CDC20B: variants seen among roughly 807,000 people sequenced by gnomAD.
CDC20B encodes the protein cell division cycle protein 20 homolog B.
In CDC20B, 58 loss-of-function variants were observed where a neutral mutation model predicts 64.1. The ratio of observed to expected loss-of-function variants is 0.90; its 90% CI spans 0.73 to 1.13. CDC20B has a LOEUF of 1.13. Among genes scored for constraint, CDC20B ranks in the 50% most tolerant of loss-of-function variants. The pLI, the probability that CDC20B is intolerant of heterozygous loss-of-function variation, is 0.00. For synonymous variants in CDC20B, 243 were observed against 230.6 expected, an observed-to-expected ratio of 1.05 and a Z score of -0.49; for missense variants, 597 against 633.0, an observed-to-expected ratio of 0.94 and a Z score of 0.61.
chr5:55,117,988 T>C (rs1742664548), intron 11 of CDC20B, among the ~76,000 whole-genome samples: 1 of 151,844 alleles, frequency 6.6e-6, no homozygotes, highest in Non-Finnish European at 1.5e-5. Flanking sequence ...GCGTGGTAGT[T>C]GGCGCCTGTA....
At chr5:55,137,967 G>A (rs544898033) in intron 5 of CDC20B, among the ~76,000 whole-genome samples, 32 of 152,140 alleles carry the variant, frequency 2.1e-4, no homozygotes, top group Non-Finnish European at 3.1e-4. Flanking sequence ...AAGACTGAGA[G>A]GTGGGTTAGT....
At chr5:55,160,219 A>G (rs751541942) in intron 2 of CDC20B, 3 of 1,613,994 alleles carry the variant, frequency 1.9e-6, no homozygotes, top group Admixed American at 1.7e-5. Flanking sequence ...CTTACCCGCT[A>G]AAATGTTCCG....
intron 2 of CDC20B, chr5:55,170,595 C>A: frequency 1.9e-6 from 1 of 534,808 alleles, no homozygotes; most frequent in Non-Finnish European, 3.8e-6. Flanking sequence ...AACCAGCTAA[C>A]AATACACTGC....
chr5:55,158,881 G>A (rs1039725046), intron 2 of CDC20B, among the ~76,000 whole-genome samples: 3 of 152,172 alleles, frequency 2.0e-5, no homozygotes, highest in Admixed American at 1.3e-4. Flanking sequence ...GAGAAAAAAC[G>A]AAGCAATTAG....
At chr5:55,157,321 G>A (rs1298919093) in intron 2 of CDC20B, among the ~76,000 whole-genome samples, 1 of 152,212 alleles carries the variant, frequency 6.6e-6, no homozygotes, top group African/African-American at 2.4e-5. Context: ...ATCAAAATGT[G>A]TGCAGAGAAA....
intron 8 of CDC20B, chr5:55,126,224 G>A (rs1742883426): frequency 6.5e-6 from 1 of 152,866 alleles, no homozygotes; most frequent in African/African-American, 2.4e-5. Context: ...GGGATGGCCA[G>A]GCGCGGTGGC....
chr5:55,140,486 T>A, intron 4 of CDC20B, 79 bp from the exon 5 acceptor site: 1 of 887,606 alleles, frequency 1.1e-6, no homozygotes, highest in East Asian at 2.8e-5. Context: ...TAATATAGAA[T>A]TACAACTGGT....
chr5:55,146,210 A>C (rs1743468947), intron 3 of CDC20B, among the ~76,000 whole-genome samples: 1 of 152,080 alleles, frequency 6.6e-6, no homozygotes, highest in South Asian at 2.1e-4. Flanking sequence ...ACAGAAGCTG[A>C]GCTTCAGTCA....
intron 2 of CDC20B, among the ~76,000 whole-genome samples, chr5:55,150,995 C>T (rs1743648960): frequency 6.6e-6 from 1 of 152,188 alleles, no homozygotes; most frequent in Admixed American, 6.5e-5. Flanking sequence ...ATACTCCCAC[C>T]TAAGCCCCCA....
chr5:55,135,292 A>T lies in CDC20B; in HGVS notation c.581-1764T>A, dbSNP rs1743133116. On this transcript the variant is annotated intron_variant, in intron 5 of 11. Transcript: ENST00000381375. Reference sequence around the variant, plus strand: ...AGGGAGAGAGAGAGACTCCTAAAATATCAGAATAATATAGGTACATTATCT... The same window carrying T: ...AGGGAGAGAGAGAGACTCCTAAAATTTCAGAATAATATAGGTACATTATCT... Among the ~76,000 whole-genome samples, 5 of 152,248 alleles carry T rather than the reference A, an allele frequency of 3.3e-5. No individual in the cohort carries two copies. The South Asian group carries it at 1.0e-3, about 32-fold the overall frequency.
chr5:55,146,422 T>C (rs747661997), intron 3 of CDC20B, among the ~76,000 whole-genome samples: 4 of 152,268 alleles, frequency 2.6e-5, no homozygotes, highest in Non-Finnish European at 4.4e-5. Context: ...GTTTTGTTTT[T>C]GTTTTTGTTT....
intron 2 of CDC20B, among the ~76,000 whole-genome samples, chr5:55,153,209 A>G: frequency 6.8e-6 from 1 of 147,136 alleles, no homozygotes; most frequent in Non-Finnish European, 1.5e-5. Context: ...ACTGCTCTCC[A>G]ACCTGGGCGA....
chr5:55,160,374 C>T (rs1357706555), intron 2 of CDC20B: 2 of 1,612,466 alleles, frequency 1.2e-6, no homozygotes, highest in Non-Finnish European at 1.7e-6. Flanking sequence ...AGAACTGTTT[C>T]TCTGGAAAAG....
chr5:55,115,086 A>G (rs1222119390), intron 11 of CDC20B, among the ~76,000 whole-genome samples: 1 of 152,158 alleles, frequency 6.6e-6, no homozygotes, highest in African/African-American at 2.4e-5. Context: ...ACTGGGCCCC[A>G]GGTTTCAATA....
At chr5:55,167,050 GAGAGAAAAAGAAAA>G (rs1319618384) in intron 2 of CDC20B, 1 of 151,924 alleles carries the variant, frequency 6.6e-6, no homozygotes, top group Admixed American at 6.6e-5. Flanking sequence ...TCTCAAAAAA[GAGAGAAAAAGAAAA>G]AGAAAAATAT....
In CDC20B at chr5:55,162,238, G is replaced by A. The variant is rs569407666; in HGVS notation, c.126+10350C>T. 4.4e-4 allele frequency among the ~76,000 whole-genome samples: 67 copies of A among 152,090 alleles called. No individual in the cohort carries two copies. In the East Asian group the frequency reaches 8.0e-3, roughly 18 times the overall value. On this transcript the variant is annotated intron_variant, in intron 2 of 11. Transcript: ENST00000381375. ...TGGTGAAACCCCATCTCTATTAATA[G>A]TACAAAAATTAGCCAGGTGTGGTGG...
At chr5:55,121,775 A>G (rs1184659135) in intron 9 of CDC20B, among the ~76,000 whole-genome samples, 1 of 152,208 alleles carries the variant, frequency 6.6e-6, no homozygotes, top group East Asian at 1.9e-4. Context: ...TCATTACAAA[A>G]CAGATTATAA....
At chr5:55,152,070 C>T (rs1459004186) in intron 2 of CDC20B, among the ~76,000 whole-genome samples, 2 of 152,178 alleles carry the variant, frequency 1.3e-5, no homozygotes, top group Non-Finnish European at 2.9e-5. Context: ...AGCAATGTGA[C>T]CAAAGAGGCA....
intron 5 of CDC20B, among the ~76,000 whole-genome samples, chr5:55,135,233 C>A (rs565925964): frequency 6.1e-5 from 9 of 146,900 alleles, no homozygotes; most frequent in African/African-American, 1.8e-4. Flanking sequence ...GTGTGTGTGT[C>A]TATATATATA....
Sources: gnomAD v4.1 joint callset for allele counts (sites outside exome capture counted in the v4.1 genomes callset) on GRCh38, gnomAD v4.1.1 for gene constraint, MANE v1.5 for transcripts, NCBI Gene and HGNC (gene_info 2026-07-23, HGNC 2026-07-21) for gene names.